Variants in SLC25A13 observed in about 807,000 individuals in gnomAD.
SLC25A13 encodes solute carrier family 25 member 13.
Under a neutral mutation model 85.5 loss-of-function variants are expected in SLC25A13, and 70 were observed. The ratio of observed to expected loss-of-function variants is 0.82; its 90% CI spans 0.68 to 1.00. The LOEUF (loss-of-function observed/expected upper bound fraction) is 1.00, where lower values mean the gene tolerates loss of function less well. Among genes scored for constraint, SLC25A13 ranks in the 50% least tolerant of loss-of-function variants. The probability of loss-of-function intolerance (pLI) is 0.00; values close to 1 mark genes in which losing one functional copy is unlikely to be tolerated. For synonymous variants in SLC25A13, 259 were observed against 288.7 expected, an observed-to-expected ratio of 0.90 and a Z score of 1.04; for missense variants, 765 against 819.8, an observed-to-expected ratio of 0.93 and a Z score of 0.82.
intron 3 of SLC25A13, among the ~76,000 whole-genome samples, chr7:96,236,309 C>T (rs1427279451): frequency 2.0e-5 from 3 of 151,962 alleles, no homozygotes; most frequent in Admixed American, 1.3e-4. Flanking sequence ...TCTCTCTCAC[C>T]GAGACTCTGC....
rs769173075 is a variant in SLC25A13, at chr7:96,189,484, C to T, written c.848+97G>A. 4.5e-4 allele frequency: 683 copies of T among 1,523,802 alleles called. 3 individuals are homozygous for T. The highest frequency in any genetic ancestry group is 1.3e-3 in the South Asian group (116 of 89,044). The allele number at this position is 1,523,802 out of a possible 1,614,324, so 94.4% of individuals were successfully genotyped here. ...TTTCATTTCTCATATTTCAGTATAGCCTTCAGTTTGGCTTCTTTTTCTCCT... is the reference window on the plus strand; with the variant it reads ...TTTCATTTCTCATATTTCAGTATAGTCTTCAGTTTGGCTTCTTTTTCTCCT... On this transcript the variant is annotated intron_variant, in intron 8 of 17. Coordinates refer to ENST00000265631, the MANE Select transcript of SLC25A13 (RefSeq NM_014251.3).
At chr7:96,271,215 G>A (rs1009599617) in intron 3 of SLC25A13, among the ~76,000 whole-genome samples, 2 of 152,102 alleles carry the variant, frequency 1.3e-5, no homozygotes, top group African/African-American at 4.8e-5. Flanking sequence ...CCGGGCTTTC[G>A]TAAAAATGCT....
intron 3 of SLC25A13, among the ~76,000 whole-genome samples, chr7:96,254,135 T>G (rs1014714357): frequency 2.0e-5 from 3 of 152,184 alleles, no homozygotes; most frequent in Non-Finnish European, 4.4e-5. Flanking sequence ...GTAGTCAGAT[T>G]AAACATTATT....
intron 5 of SLC25A13, among the ~76,000 whole-genome samples, chr7:96,197,788 T>A (rs1219060797): frequency 6.6e-6 from 1 of 152,222 alleles, no homozygotes; most frequent in Non-Finnish European, 1.5e-5. Flanking sequence ...ACGAGTCATC[T>A]GTGCAGAGGA....
At chr7:96,315,100 C>T (rs1800083227) in intron 1 of SLC25A13, among the ~76,000 whole-genome samples, 1 of 152,160 alleles carries the variant, frequency 6.6e-6, no homozygotes, top group South Asian at 2.1e-4. Context: ...CCAGGATTAT[C>T]ACAAAACTGT....
At chr7:96,174,334 C>T (rs1374303410) in intron 11 of SLC25A13, among the ~76,000 whole-genome samples, 1 of 152,204 alleles carries the variant, frequency 6.6e-6, no homozygotes, top group Non-Finnish European at 1.5e-5. Flanking sequence ...AATATGCAAC[C>T]ATTTGGGCAA....
chr7:96,269,082 T>C (rs34411009), intron 3 of SLC25A13, among the ~76,000 whole-genome samples: 23,580 of 152,192 alleles, frequency 0.15, 2,166 homozygotes, highest in East Asian at 0.23. Flanking sequence ...TCCATTAAAT[T>C]AGAAGCTCCA....
rs59571646 is a variant in SLC25A13 at position 96,209,353 on chromosome 7, TACAC to T, written c.329-380_329-377del. ...TCAATCTTAGTGGCAGGAAAACACA[TACAC>T]ACACACACACACACACACACACACA... is the stretch of plus-strand genomic sequence containing the variant. On this transcript the variant is annotated intron_variant, in intron 4 of 17. Transcript: ENST00000265631. Among the ~76,000 whole-genome samples the T allele has an allele frequency of 6.6e-3, 962 of 145,544 alleles. 7 individuals carry two copies. The highest frequency in any genetic ancestry group is 0.014 in the Middle Eastern group (4 of 288).
intron 2 of SLC25A13, among the ~76,000 whole-genome samples, chr7:96,278,597 CT>C (rs1324845622): frequency 6.6e-6 from 1 of 152,138 alleles, no homozygotes; most frequent in Non-Finnish European, 1.5e-5. Flanking sequence ...AACATTACAG[CT>C]TCATAAGACT....
chr7:96,251,405 C>A (rs1797421843), intron 3 of SLC25A13, among the ~76,000 whole-genome samples: 2 of 152,212 alleles, frequency 1.3e-5, no homozygotes, highest in South Asian at 2.1e-4. Flanking sequence ...GTGACATAAT[C>A]CAACTCAGAT....
At chr7:96,252,781 TG>T (rs1452866167) in intron 3 of SLC25A13, among the ~76,000 whole-genome samples, 1 of 151,910 alleles carries the variant, frequency 6.6e-6, no homozygotes, top group Non-Finnish European at 1.5e-5. Flanking sequence ...AGAGGAAACT[TG>T]GGGAGAGTGG....
chr7:96,139,848 T>C (rs1451316694), intron 14 of SLC25A13, among the ~76,000 whole-genome samples: 2 of 152,162 alleles, frequency 1.3e-5, no homozygotes, highest in Non-Finnish European at 2.9e-5. Context: ...TATGCATTCC[T>C]TTGTTGATAG....
intron 4 of SLC25A13, among the ~76,000 whole-genome samples, chr7:96,218,526 TG>T (rs1795983136): frequency 6.6e-6 from 1 of 152,228 alleles, no homozygotes; most frequent in Non-Finnish European, 1.5e-5. Flanking sequence ...TCTTCACTTA[TG>T]CAAATTTTAA....
At chr7:96,252,748 A>G (rs1257793244) in intron 3 of SLC25A13, among the ~76,000 whole-genome samples, 2 of 152,138 alleles carry the variant, frequency 1.3e-5, no homozygotes, top group African/African-American at 2.4e-5. Flanking sequence ...TAACAAGGGC[A>G]GATTAGAGCA....
chr7:96,266,996 C>G (rs1798062708), intron 3 of SLC25A13, among the ~76,000 whole-genome samples: 1 of 152,132 alleles, frequency 6.6e-6, no homozygotes, highest in South Asian at 2.1e-4. Flanking sequence ...TCGCCAAATT[C>G]TATAGTTTAT....
chr7:96,189,496 C>T, intron 8 of SLC25A13, 85 bp downstream of exon 8: 1 of 1,531,944 alleles, frequency 6.5e-7, no homozygotes, highest in South Asian at 1.1e-5. Context: ...TTCAGTTTGG[C>T]TTCTTTTTCT....
At chr7:96,309,131 AAAG>A (rs1204324114) in intron 1 of SLC25A13, among the ~76,000 whole-genome samples, 4 of 152,228 alleles carry the variant, frequency 2.6e-5, no homozygotes, top group Non-Finnish European at 4.4e-5. Flanking sequence ...CAACAAAGTC[AAAG>A]AAGAGACAGG....
At chr7:96,137,753 T>G (rs915415827) in intron 14 of SLC25A13, among the ~76,000 whole-genome samples, 5 of 152,206 alleles carry the variant, frequency 3.3e-5, no homozygotes, top group African/African-American at 1.2e-4. Context: ...GCCTCCCAAG[T>G]AGCTGGGACT....
At chr7:96,131,957 C>T (rs1255766491) in intron 14 of SLC25A13, 76 bp from the exon 15 acceptor site, 1 of 1,598,456 alleles carries the variant, frequency 6.3e-7, no homozygotes, top group Admixed American at 1.7e-5. Flanking sequence ...CTGGAACTCA[C>T]CTCAGAACAA....
Sources: allele counts gnomAD v4.1 joint callset (sites outside exome capture counted in the v4.1 genomes callset), GRCh38; gene constraint gnomAD v4.1.1; transcripts MANE v1.5; gene names NCBI Gene and HGNC (gene_info 2026-07-23, HGNC 2026-07-21).